The following HIPK1 variants were observed in gnomAD, a reference collection of about 807,000 sequenced individuals.
HIPK1 encodes the protein homeodomain-interacting protein kinase 1.
A neutral mutation model predicts 117.1 loss-of-function variants in HIPK1; 28 were observed. The observed-to-expected ratio is 0.24, with a 90% CI of 0.18 to 0.33. HIPK1 has a LOEUF of 0.33. HIPK1 is among the 10% of genes least tolerant of loss of function. The pLI is 1.00. For missense variants in HIPK1, 1,122 were observed against 1,475.1 expected, an observed-to-expected ratio of 0.76 and a Z score of 3.92; for synonymous variants, 605 against 562.5, an observed-to-expected ratio of 1.08 and a Z score of -1.07.
intron 3 of HIPK1, among the ~76,000 whole-genome samples, 184 bp downstream of exon 3, chr1:113,953,073 A>G (rs1347475407): frequency 6.6e-6 from 1 of 152,168 alleles, no homozygotes; most frequent in Non-Finnish European, 1.5e-5. Context: ...AGGCTAAAGT[A>G]TGTTTGCAAT....
At chr1:113,934,784 G>GAAAAAA (rs564619583) in intron 1 of HIPK1, among the ~76,000 whole-genome samples, 1 of 51,522 alleles carries the variant, frequency 1.9e-5, no homozygotes, top group Non-Finnish European at 3.7e-5. Context: ...CCTCATCTCT[G>GAAAAAA]AAAAAAAAAA....
At chr1:113,954,810 C>A in intron 4 of HIPK1, 40 bp downstream of exon 4, 1 of 1,524,056 alleles carries the variant, frequency 6.6e-7, no homozygotes, top group Non-Finnish European at 9.0e-7. Context: ...CTGTACTCCA[C>A]CCCTCACTCC....
intron 1 of HIPK1, among the ~76,000 whole-genome samples, chr1:113,936,471 C>T (rs1670254958): frequency 6.9e-6 from 1 of 145,984 alleles, no homozygotes; most frequent in Non-Finnish European, 1.5e-5. Context: ...GTTACGAATC[C>T]TTTTTTTTTT....
chr1:113,944,569 C>T (rs1012602803), intron 2 of HIPK1, among the ~76,000 whole-genome samples: 18 of 151,426 alleles, frequency 1.2e-4, no homozygotes, highest in African/African-American at 4.4e-4. Context: ...CTGCAACCTC[C>T]ACCTCACAGG....
At chr1:113,929,633 A>G (rs1669696515) in intron 1 of HIPK1, 101 bp downstream of exon 1, 2 of 1,076,886 alleles carry the variant, frequency 1.9e-6, no homozygotes, top group Non-Finnish European at 2.5e-6. Context: ...GTCTGGCGAC[A>G]ACGGCGGCTG....
chr1:113,930,906 C>T (rs1182089380), intron 1 of HIPK1: 1 of 152,196 alleles, frequency 6.6e-6, no homozygotes, highest in Non-Finnish European at 1.5e-5. Flanking sequence ...TAGGTAGACT[C>T]ATTTAGAGGC....
Position 113,973,319 on chromosome 1 carries a change from C to T in HIPK1, c.3440C>T (p.Thr1147Ile), listed in dbSNP as rs1290819000. 1.9e-6 allele frequency: 3 copies of T among 1,614,068 alleles called. No homozygotes were observed. The highest frequency in any genetic ancestry group is 1.7e-6 in the Non-Finnish European group (2 of 1,180,034). The change falls in exon 16 of 16, where the codon ACT (threonine) becomes ATT (isoleucine). Residue 1147 changes from threonine (T) to isoleucine (I), a missense_variant. Physicochemically the swap from Thr to Ile is moderately conservative, Grantham distance 89. Transcript: ENST00000426820. ...GSSRHAAAYT[T>I]HPSTLVHQVP... ...TCAAGGCATGCTGCAGCCTATACCACTCACCCTAGCACTTTGGTGCACCAG... is the reference window on the plus strand; with the variant it reads ...TCAAGGCATGCTGCAGCCTATACCATTCACCCTAGCACTTTGGTGCACCAG...
In HIPK1 at chr1:113,971,876, T is replaced by C. The variant is rs1672850299; in HGVS notation, c.3066T>C (p.Ser1022=). 1 of 1,602,126 alleles carries C rather than the reference T, an allele frequency of 6.2e-7. No individual in the cohort carries two copies. The highest frequency in any genetic ancestry group is 8.5e-7 in the Non-Finnish European group (1 of 1,176,234). Residue 1022 remains serine, a synonymous_variant, in exon 15 of 16, where the codon TCT becomes TCC. Coordinates refer to ENST00000426820, the MANE Select transcript of HIPK1 (RefSeq NM_198268.3). ...TCGCTTCAGTGAGTGGGCAGTCATC[T>C]GGATGCTGTATCACCCCCACAGGGT... is the stretch of plus-strand genomic sequence containing the variant. ...KPVASVSGQS[S]GCCITPTGYR... is the part of the protein sequence containing the mutation.
In HIPK1 at chr1:113,975,270, T is replaced by G. The variant is rs1263040475; in HGVS notation, c.*1758T>G. 1 of 152,802 alleles carries G rather than the reference T, an allele frequency of 6.5e-6. No homozygotes were observed. Among genetic ancestry groups the G allele is most frequent in the Non-Finnish European group, 1.5e-5 (1 of 68,044 alleles). 9.5% of individuals were successfully genotyped at this position (152,802 alleles called of 1,614,324 possible). ...CAGGATTAGTAGCTGTATTGTGTAA[T>G]GCATTGTTCTCAGTTTCCCTGCCAA... On this transcript the variant is annotated 3_prime_UTR_variant, in exon 16 of 16. Transcript: ENST00000426820.
rs1029942065 is a variant in HIPK1, at chr1:113,938,112, G to A, written c.-2-2270G>A. On this transcript the variant is annotated intron_variant, in intron 1 of 15. Transcript: ENST00000426820. ...CCTGAGTAGCTGGGACCACAGGCAT[G>A]TGCCACTTACACTTGGCTTTTTTTT... Among the ~76,000 whole-genome samples, 119 of 150,942 alleles carry A rather than the reference G, an allele frequency of 7.9e-4. 2 individuals are homozygous for A. The highest frequency in any genetic ancestry group is 2.8e-3 in the African/African-American group (115 of 40,990).
At chr1:113,945,717 C>T (rs1332755285) in intron 2 of HIPK1, among the ~76,000 whole-genome samples, 2 of 152,118 alleles carry the variant, frequency 1.3e-5, no homozygotes, top group African/African-American at 4.8e-5. Flanking sequence ...CTATATATGT[C>T]TTTATGCCAG....
chr1:113,956,366 A>G (rs889799749), intron 5 of HIPK1, among the ~76,000 whole-genome samples: 1 of 152,134 alleles, frequency 6.6e-6, no homozygotes, highest in Non-Finnish European at 1.5e-5. Flanking sequence ...GGCATGAGCC[A>G]CCGCGCCCAG....
chr1:113,944,158 GGTTTTTTTTT>G (rs1670827407), intron 2 of HIPK1, among the ~76,000 whole-genome samples: 3 of 84,578 alleles, frequency 3.5e-5, no homozygotes, highest in African/African-American at 1.7e-4. Context: ...AATAGCCATG[GGTTTTTTTTT>G]TTTTTTTTTT....
chr1:113,953,555 T>A (rs903799854), intron 3 of HIPK1, among the ~76,000 whole-genome samples: 1 of 152,226 alleles, frequency 6.6e-6, no homozygotes, highest in Non-Finnish European at 1.5e-5. Context: ...TCTTGCTCTG[T>A]CACCCAGGCT....
intron 5 of HIPK1, 98 bp downstream of exon 5, chr1:113,955,747 AT>A: frequency 1.6e-6 from 1 of 637,720 alleles, no homozygotes; most frequent in Non-Finnish European, 2.7e-6. Flanking sequence ...TCTTTCTAGT[AT>A]TTGTTTTCAG....
intron 1 of HIPK1, among the ~76,000 whole-genome samples, chr1:113,936,288 A>G (rs1031555144): frequency 2.0e-5 from 3 of 152,202 alleles, no homozygotes; most frequent in African/African-American, 7.2e-5. Flanking sequence ...CTTTATGGAT[A>G]AGAACTATAA....
rs1216874521 is a variant in HIPK1, at chr1:113,940,877, A to G, written c.494A>G (p.Lys165Arg). 2.5e-6 allele frequency: 4 copies of G among 1,614,050 alleles called. No individual in the cohort carries two copies. Among genetic ancestry groups the G allele is most frequent in the African/African-American group, 2.7e-5 (2 of 74,924 alleles). The change falls in exon 2 of 16, where the codon AAG becomes AGG. Residue 165 changes from lysine to arginine, a missense_variant. Transcript: ENST00000426820. ...AAATTTTVTT[K>R]SSSSSGEGDY... ...GCCACAACCACCACTGTGACCACAA[A>G]GAGTAGCAGTTCCAGCGGAGAAGGG...
intron 10 of HIPK1, among the ~76,000 whole-genome samples, chr1:113,964,881 C>T (rs1672346954): frequency 6.6e-6 from 1 of 152,236 alleles, no homozygotes; most frequent in African/African-American, 2.4e-5. Flanking sequence ...TGTTCTTCCT[C>T]TGTCAAAACA....
rs191108098 is a variant in HIPK1 at position 113,950,229 on chromosome 1, A to G, written c.1077-2537A>G. ...TGCCTTCCCTCAACCCCCTGCACAT[A>G]TACACAAAACAACAATAAGCACATA... On this transcript the variant is annotated intron_variant, in intron 2 of 15. Coordinates refer to ENST00000426820, the MANE Select transcript of HIPK1 (RefSeq NM_198268.3). Among the ~76,000 whole-genome samples, 454 of 152,238 alleles carry G rather than the reference A, an allele frequency of 3.0e-3. 3 individuals are homozygous for G. Among genetic ancestry groups the G allele is most frequent in the African/African-American group, 0.011 (440 of 41,518 alleles).
Sources: allele counts gnomAD v4.1 joint callset (sites outside exome capture counted in the v4.1 genomes callset), GRCh38; gene constraint gnomAD v4.1.1; transcripts MANE v1.5; gene names NCBI Gene and HGNC (gene_info 2026-07-23, HGNC 2026-07-21).